The following SPAG16 variants were observed in gnomAD, a reference collection of about 807,000 sequenced individuals.
The protein encoded by SPAG16 is sperm associated antigen 16.
SPAG16 carries 86 observed loss-of-function variants against 80.4 expected under a neutral mutation model. The ratio of observed to expected loss-of-function variants is 1.07; its 90% CI spans 0.90 to 1.28. SPAG16 has a LOEUF of 1.28. Ranked by LOEUF, SPAG16 falls within the 50% of genes most tolerant of loss-of-function variation. The pLI, the probability that SPAG16 is intolerant of heterozygous loss-of-function variation, is 0.00. For missense variants in SPAG16, 870 were observed against 765.3 expected (o/e 1.14, Z -1.61); for synonymous variants, 294 against 265.9 (o/e 1.11, Z -1.03).
chr2:213,348,516 C>T (rs945844325), intron 6 of SPAG16, among the ~76,000 whole-genome samples: 7 of 152,206 alleles, frequency 4.6e-5, no homozygotes, highest in East Asian at 3.9e-4. Context: ...TGGCTGTTAC[C>T]GGTTGTTCCT....
At chr2:213,336,460 A>G (rs1013526923) in intron 5 of SPAG16, among the ~76,000 whole-genome samples, 11 of 152,354 alleles carry the variant, frequency 7.2e-5, no homozygotes, top group Middle Eastern at 3.4e-3. Flanking sequence ...CCAACGCAGC[A>G]GGTCAGAGAC....
At chr2:213,503,219 G>T (rs911503608) in intron 10 of SPAG16, among the ~76,000 whole-genome samples, 6 of 152,138 alleles carry the variant, frequency 3.9e-5, no homozygotes, top group South Asian at 2.1e-4. Context: ...TGCTCTGATT[G>T]AGAATATATG....
At chr2:214,295,538 C>T (rs1244609695) in intron 15 of SPAG16, among the ~76,000 whole-genome samples, 2 of 152,112 alleles carry the variant, frequency 1.3e-5, no homozygotes, top group Non-Finnish European at 2.9e-5. Flanking sequence ...TGCCTGTAAT[C>T]CTAGCACTTT....
intron 3 of SPAG16, chr2:213,302,385 A>T (rs2062771954): frequency 6.6e-6 from 1 of 152,142 alleles, no homozygotes; most frequent in African/African-American, 2.4e-5. Flanking sequence ...ATATCTGTGG[A>T]TACCTGAGTA....
At chr2:213,837,454 C>T (rs959196933) in intron 10 of SPAG16, among the ~76,000 whole-genome samples, 1 of 152,216 alleles carries the variant, frequency 6.6e-6, no homozygotes, top group East Asian at 1.9e-4. Context: ...CACTTTTAAA[C>T]ATGCAAAAGT....
rs71428334 is a variant in SPAG16, at chr2:214,302,205, T to C, written c.1721-107935T>C. Among the ~76,000 whole-genome samples, 522 of 152,332 alleles carry C rather than the reference T, an allele frequency of 3.4e-3. 2 individuals carry two copies. Among genetic ancestry groups the C allele is most frequent in the Non-Finnish European group, 5.9e-3 (400 of 68,028 alleles). ...ACTTACTTTATAGGCAAATATGTAA[T>C]TATTTTTGAAGAATGTTCTACGCAC... On this transcript the variant is annotated intron_variant, in intron 15 of 15. Transcript: ENST00000331683.
intron 15 of SPAG16, among the ~76,000 whole-genome samples, chr2:214,268,258 A>G (rs1691731666): frequency 6.6e-6 from 1 of 151,804 alleles, no homozygotes; most frequent in Non-Finnish European, 1.5e-5. Context: ...AACAGTATGA[A>G]CGTTCCTTTA....
In SPAG16 at chr2:214,220,864, A is replaced by C. The variant is rs188026359; in HGVS notation, c.1720+71598A>C. 1.8e-4 allele frequency among the ~76,000 whole-genome samples: 28 copies of C among 152,206 alleles called. No individual in the cohort carries two copies. In the East Asian group the frequency reaches 5.4e-3, roughly 29 times the overall value. On this transcript the variant is annotated intron_variant, in intron 15 of 15. Coordinates refer to ENST00000331683, the MANE Select transcript of SPAG16 (RefSeq NM_024532.5). The stretch of plus-strand genomic sequence containing the variant: ...TTATATTCTATCCTTTATCTACTTT[A>C]TCTTTTGGGGAGCATACTCACTACA...
At chr2:213,614,328 A>T (rs530766004) in intron 10 of SPAG16, among the ~76,000 whole-genome samples, 90 of 152,284 alleles carry the variant, frequency 5.9e-4, no homozygotes, top group African/African-American at 2.1e-3. Flanking sequence ...AAGATACATG[A>T]TATATCTTTT....
intron 15 of SPAG16, among the ~76,000 whole-genome samples, chr2:214,153,099 G>A (rs890492829): frequency 7.2e-5 from 11 of 152,012 alleles, no homozygotes; most frequent in African/African-American, 2.4e-4. Flanking sequence ...CGGGGAAAGG[G>A]AGCCTCCCTT....
At chr2:213,782,143 T>C (rs1227319380) in intron 10 of SPAG16, among the ~76,000 whole-genome samples, 1 of 151,956 alleles carries the variant, frequency 6.6e-6, no homozygotes, top group Non-Finnish European at 1.5e-5. Context: ...TTACTTGTAG[T>C]TGATATTTCT....
chr2:213,554,760 T>G (rs1553564007), intron 10 of SPAG16, among the ~76,000 whole-genome samples: 1 of 151,368 alleles, frequency 6.6e-6, no homozygotes, highest in Non-Finnish European at 1.5e-5. Flanking sequence ...AAAAAAAATC[T>G]GTGAATTTGA....
intron 10 of SPAG16, among the ~76,000 whole-genome samples, chr2:213,612,713 C>G (rs571667374): frequency 6.6e-6 from 1 of 152,212 alleles, no homozygotes; most frequent in South Asian, 2.1e-4. Context: ...CAGTTTCGCT[C>G]TTGTTGCCCA....
intron 12 of SPAG16, among the ~76,000 whole-genome samples, chr2:213,967,411 GAAAGT>G (rs2044761765): frequency 6.6e-6 from 1 of 152,066 alleles, no homozygotes; most frequent in African/African-American, 2.4e-5. Context: ...AAAGGTAAAT[GAAAGT>G]AAAGAGAGAC....
intron 9 of SPAG16, among the ~76,000 whole-genome samples, chr2:213,440,484 G>C (rs549634208): frequency 2.6e-5 from 4 of 152,314 alleles, no homozygotes; most frequent in African/African-American, 9.6e-5. Context: ...GAACCCAGGA[G>C]GCTGAACTTG....
At chr2:213,966,172 A>G (rs1047706984) in intron 12 of SPAG16, among the ~76,000 whole-genome samples, 57 of 152,278 alleles carry the variant, frequency 3.7e-4, no homozygotes, top group African/African-American at 1.3e-3. Flanking sequence ...ATGGAGACAC[A>G]TCTTCTTGGT....
chr2:213,713,098 G>C (rs541417249), intron 10 of SPAG16, among the ~76,000 whole-genome samples: 1 of 152,260 alleles, frequency 6.6e-6, no homozygotes, highest in Admixed American at 6.5e-5. Flanking sequence ...GGTCTGGTGA[G>C]AATTCACTCA....
At chr2:213,862,766 G>C in intron 11 of SPAG16, 138 bp downstream of exon 11, 2 of 920,886 alleles carry the variant, frequency 2.2e-6, no homozygotes, top group Non-Finnish European at 3.2e-6. Flanking sequence ...AAAGTGTATA[G>C]ACAAATTCCC....
At chr2:213,853,244 T>C (rs1253701548) in intron 10 of SPAG16, among the ~76,000 whole-genome samples, 1 of 152,236 alleles carries the variant, frequency 6.6e-6, no homozygotes, top group East Asian at 1.9e-4. Context: ...GGATTAATAT[T>C]CTTTTCTTTT....
Sources: gnomAD v4.1 joint callset for allele counts (sites outside exome capture counted in the v4.1 genomes callset) on GRCh38, gnomAD v4.1.1 for gene constraint, MANE v1.5 for transcripts, NCBI Gene and HGNC (gene_info 2026-07-23, HGNC 2026-07-21) for gene names.